The following FRMD3 variants were observed in gnomAD, a reference collection of about 807,000 sequenced individuals.
FRMD3 encodes the protein FERM domain-containing protein 3.
FRMD3 carries 33 observed loss-of-function variants against 70.2 expected under a neutral mutation model. The observed-to-expected ratio is 0.47, with a 90% CI of 0.36 to 0.63. FRMD3 has a LOEUF of 0.63. Among genes scored for constraint, FRMD3 ranks in the 20% least tolerant of loss-of-function variants. FRMD3 has a pLI of 0.00. For missense variants in FRMD3, 632 were observed against 711.4 expected (o/e 0.89, Z 1.27); for synonymous variants, 279 against 255.9 (o/e 1.09, Z -0.86).
At chr9:83,292,670 C>T (rs371438129) in intron 12 of FRMD3, among the ~76,000 whole-genome samples, 22 of 151,912 alleles carry the variant, frequency 1.4e-4, no homozygotes, top group Admixed American at 2.6e-4. Flanking sequence ...TTTTTTGAGA[C>T]GGAGTCTCAC....
intron 6 of FRMD3, among the ~76,000 whole-genome samples, chr9:83,330,896 T>C (rs1836231122): frequency 6.6e-6 from 1 of 152,222 alleles, no homozygotes; most frequent in African/African-American, 2.4e-5. Flanking sequence ...TATAAAAATC[T>C]TTCTAAATGC....
At chr9:83,582,443 T>C in the FRMD3 span, among the ~76,000 whole-genome samples, 1 of 152,216 alleles carries the variant, frequency 6.6e-6, no homozygotes, top group Non-Finnish European at 1.5e-5. Flanking sequence ...GGGAACCTAG[T>C]ATCTGTTTTA....
chr9:83,449,003 T>C (rs867642269), intron 1 of FRMD3, among the ~76,000 whole-genome samples: 76 of 152,158 alleles, frequency 5.0e-4, no homozygotes, highest in African/African-American at 1.7e-3. Context: ...ACATGCTGTG[T>C]TTGAGAGTGG....
intron 1 of FRMD3, among the ~76,000 whole-genome samples, chr9:83,420,598 G>T (rs889008197): frequency 6.6e-6 from 1 of 152,148 alleles, no homozygotes; most frequent in African/African-American, 2.4e-5. Context: ...TATTATCATT[G>T]ATATGGTTTG....
intron 1 of FRMD3, among the ~76,000 whole-genome samples, chr9:83,435,689 G>A (rs1413715822): frequency 6.6e-6 from 1 of 152,184 alleles, no homozygotes; most frequent in Non-Finnish European, 1.5e-5. Context: ...GGTTTGAGGG[G>A]CAAGGGGCGT....
chr9:83,263,969 T>C (rs1489323214), intron 13 of FRMD3, among the ~76,000 whole-genome samples: 1 of 152,332 alleles, frequency 6.6e-6, no homozygotes, highest in East Asian at 1.9e-4. Context: ...AATAGTGGCC[T>C]TGATACATTG....
intron 2 of FRMD3, among the ~76,000 whole-genome samples, chr9:83,379,162 C>T (rs1281108139): frequency 6.6e-6 from 1 of 152,092 alleles, no homozygotes; most frequent in African/African-American, 2.4e-5. Context: ...CTTCCTCTCT[C>T]TCCTCTCTTT....
chr9:83,455,366 G>A lies in FRMD3; in HGVS notation c.148-65658C>T, dbSNP rs542441589. Reference sequence around the variant, plus strand: ...CCCAGAATTCCCACATGTTGTGGGAGGTACCCAGGGGGAGGTAATTGAATC... The same window carrying A: ...CCCAGAATTCCCACATGTTGTGGGAAGTACCCAGGGGGAGGTAATTGAATC... On this transcript the variant is annotated intron_variant, in intron 1 of 13. Coordinates refer to ENST00000304195, the MANE Select transcript of FRMD3 (RefSeq NM_174938.6). Among the ~76,000 whole-genome samples, 28 of 152,294 alleles carry A rather than the reference G, an allele frequency of 1.8e-4. No homozygotes were observed. In the South Asian group the frequency reaches 5.6e-3, roughly 30 times the overall value.
At chr9:83,498,970 T>C (rs1374497598) in intron 1 of FRMD3, among the ~76,000 whole-genome samples, 2 of 152,056 alleles carry the variant, frequency 1.3e-5, no homozygotes, top group African/African-American at 4.8e-5. Context: ...ATGAGGCATG[T>C]TTGCAAAATG....
intron 13 of FRMD3, chr9:83,267,157 C>G (rs1833305023): frequency 6.4e-7 from 1 of 1,550,618 alleles, no homozygotes; most frequent in South Asian, 1.2e-5. Context: ...TTCCAATCCC[C>G]TTGGTCTCCT....
intron 3 of FRMD3, among the ~76,000 whole-genome samples, chr9:83,370,443 A>C (rs1033769909): frequency 6.6e-6 from 1 of 152,218 alleles, no homozygotes; most frequent in Non-Finnish European, 1.5e-5. Flanking sequence ...TTAGCAATAC[A>C]ACAGGGATTG....
At chr9:83,444,846 T>C (rs938343135) in intron 1 of FRMD3, among the ~76,000 whole-genome samples, 1 of 152,216 alleles carries the variant, frequency 6.6e-6, no homozygotes, top group Non-Finnish European at 1.5e-5. Context: ...TTCTCTCTCA[T>C]GGATAAATTA....
chr9:83,450,368 T>A lies in FRMD3; in HGVS notation c.148-60660A>T, dbSNP rs551698046. ...CTCAGTTTTTTTTTTTTTTTTTTTT[T>A]TTATTATACTCTAAGTTTTAGGGTA... On this transcript the variant is annotated intron_variant, in intron 1 of 13. Transcript: ENST00000304195. Among the ~76,000 whole-genome samples the A allele has an allele frequency of 4.5e-4, 62 of 137,192 alleles. No homozygotes were observed. The South Asian group carries it at 0.013, about 30-fold the overall frequency. The allele number at this position is 137,192 out of a possible 152,430, so 90.0% of individuals were successfully genotyped here.
Position 83,492,121 on chromosome 9 carries a change from C to T in FRMD3, c.147+45964G>A, listed in dbSNP as rs1828840199. On this transcript the variant is annotated intron_variant, in intron 1 of 13. Coordinates refer to ENST00000304195, the MANE Select transcript of FRMD3 (RefSeq NM_174938.6). ...ATAGACACTAAGAGTGAATCAGGAC[C>T]TTCTGTCATGCCATAGGTCATTCCA... 2.0e-5 allele frequency among the ~76,000 whole-genome samples: 3 copies of T among 152,318 alleles called. No homozygotes were observed. In the South Asian group the frequency reaches 6.2e-4, roughly 32 times the overall value.
intron 1 of FRMD3, among the ~76,000 whole-genome samples, chr9:83,399,529 C>T (rs1825895352): frequency 6.6e-6 from 1 of 152,248 alleles, no homozygotes; most frequent in East Asian, 1.9e-4. Context: ...GTGCCAGGTC[C>T]AGCTCTTCAA....
At chr9:83,573,740 C>CTCTCTCGAT in the FRMD3 span, among the ~76,000 whole-genome samples, 1 of 60,760 alleles carries the variant, frequency 1.6e-5, no homozygotes, top group African/African-American at 8.0e-5. Flanking sequence ...AAGAACGATT[C>CTCTCTCGAT]TCTCTCTCTC....
downstream of FRMD3, chr9:83,243,196 G>A: frequency 6.5e-7 from 1 of 1,550,256 alleles, no homozygotes; most frequent in Non-Finnish European, 8.7e-7. Context: ...GTTCTGCTGG[G>A]TCTGTTTACT....
At chr9:83,572,858 T>C in the FRMD3 span, among the ~76,000 whole-genome samples, 2 of 152,218 alleles carry the variant, frequency 1.3e-5, no homozygotes, top group Non-Finnish European at 2.9e-5. Flanking sequence ...TTTGGCCTTA[T>C]GAAATATTCA....
chr9:83,243,519 G>T (rs1413069554), downstream of FRMD3, among the ~76,000 whole-genome samples: 1 of 152,194 alleles, frequency 6.6e-6, no homozygotes, highest in Non-Finnish European at 1.5e-5. Flanking sequence ...GGAGTTCAAT[G>T]AACTGCTCAG....
Sources: gnomAD v4.1 joint callset for allele counts (sites outside exome capture counted in the v4.1 genomes callset) on GRCh38, gnomAD v4.1.1 for gene constraint, MANE v1.5 for transcripts, NCBI Gene and HGNC (gene_info 2026-07-23, HGNC 2026-07-21) for gene names.